SGSM2: variants seen among roughly 807,000 people sequenced by gnomAD.
SGSM2 encodes small G protein signaling modulator 2, also known as RUN and TBC1 domain containing 1.
Under a neutral mutation model 126.6 loss-of-function variants are expected in SGSM2, and 89 were observed. The ratio of observed to expected loss-of-function variants is 0.70; its 90% confidence interval spans 0.59 to 0.84. The LOEUF (loss-of-function observed/expected upper bound fraction) is 0.84, where lower values mean the gene tolerates loss of function less well. Among genes scored for constraint, SGSM2 ranks in the 40% least tolerant of loss-of-function variants. The pLI is 0.00. For synonymous variants in SGSM2, 614 were observed against 574.3 expected (o/e 1.07, Z -0.99); for missense variants, 1,404 against 1,416.6 (o/e 0.99, Z 0.14).
At chr17:2,368,605 C>T (rs1567833848) in intron 12 of SGSM2, among the ~76,000 whole-genome samples, 2 of 152,168 alleles carry the variant, frequency 1.3e-5, no homozygotes, top group Admixed American at 6.5e-5. Context: ...CCCAGCACAC[C>T]CTCTGCACAA....
Position 2,380,489 on chromosome 17 carries a change from C to A in SGSM2, c.*969C>A. The stretch of plus-strand genomic sequence containing the variant: ...CGGGAGGCAGGGGATGCATGGGTGT[C>A]CCCATCTGTCCCTGGTGAGAAGCAA... On this transcript the variant is annotated 3_prime_UTR_variant, in exon 24 of 24. Coordinates refer to ENST00000268989, the MANE Select transcript of SGSM2 (RefSeq NM_014853.3). The A allele has an allele frequency of 1.6e-6, 1 of 635,148 alleles. No individual in the cohort carries two copies. Among genetic ancestry groups the A allele is most frequent in the South Asian group, 1.8e-5 (1 of 55,216 alleles). The allele number at this position is 635,148 out of a possible 1,614,324, so 39.3% of individuals were successfully genotyped here.
chr17:2,361,602 C>A, intron 2 of SGSM2, 35 bp from the exon 3 acceptor site: 2 of 1,607,944 alleles, frequency 1.2e-6, no homozygotes, highest in Non-Finnish European at 1.7e-6. Context: ...CCCCGTCTTT[C>A]CCAGGCTCAG....
Position 2,361,860 on chromosome 17 carries a change from CT to C in SGSM2, c.296+63del, listed in dbSNP as rs762626879. On this transcript the variant is annotated intron_variant, in intron 3 of 23. Coordinates refer to ENST00000268989, the MANE Select transcript of SGSM2 (RefSeq NM_014853.3). ...AGCTCTTCCCACTTGGCAATTGCTA[CT>C]TCCTAGGACACCCATCGGAAAGTTG... 5.6e-5 allele frequency: 85 copies of C among 1,524,196 alleles called. No individual in the cohort carries two copies. In the Middle Eastern group the frequency reaches 3.5e-3, roughly 63 times the overall value. 94.4% of individuals were successfully genotyped at this position (1,524,196 alleles called of 1,614,324 possible). A position where few individuals can be genotyped will look rare whatever the true frequency, so the allele number is the denominator to read the frequency against.
chr17:2,357,139 G>A (rs965833488), intron 2 of SGSM2, among the ~76,000 whole-genome samples: 4 of 152,118 alleles, frequency 2.6e-5, no homozygotes, highest in African/African-American at 9.7e-5. Flanking sequence ...GGGAGCCCCA[G>A]GGCTAGTCTG....
rs2065440885 is a variant in SGSM2 at position 2,363,996 on chromosome 17, A to T, written c.808-63A>T. The T allele has an allele frequency of 2.5e-6, 4 of 1,609,656 alleles. No individual in the cohort carries two copies. The South Asian group carries it at 4.4e-5, about 18-fold the overall frequency. ...TCCTCCCAGCGGGAGCTCATTTCTC[A>T]TAGGCCATCCCTGAGAGCCTCTCAG... is the stretch of plus-strand genomic sequence containing the variant. On this transcript the variant is annotated intron_variant, in intron 7 of 23. Transcript: ENST00000268989. The surrounding 1 kb of genome is among the most constrained non-coding windows in gnomAD (Gnocchi z 4.2).
intron 2 of SGSM2, among the ~76,000 whole-genome samples, chr17:2,354,505 A>G (rs933709741): frequency 2.0e-5 from 3 of 152,244 alleles, no homozygotes; most frequent in Non-Finnish European, 2.9e-5. Context: ...TCAGAGTTGC[A>G]TGATATTCTG....
At position 2,337,680 on chromosome 17, in the gene SGSM2, T is replaced by C; in HGVS notation, c.-9T>C. ...CTGAGGACCGCTCGGCGCCGCCTCCTGCCACACCATGGGCAGCGCAGAGGA... is the reference window on the plus strand; with the variant it reads ...CTGAGGACCGCTCGGCGCCGCCTCCCGCCACACCATGGGCAGCGCAGAGGA... On this transcript the variant is annotated 5_prime_UTR_variant, in exon 1 of 24. Transcript: ENST00000268989. This position sits in a 1 kb window ranked among gnomAD's most constrained non-coding sequence, Gnocchi z 5.1. 6.7e-7 allele frequency: 1 copy of C among 1,493,006 alleles called. No individual in the cohort carries two copies. The highest frequency in any genetic ancestry group is 9.0e-7 in the Non-Finnish European group (1 of 1,113,404). The allele number at this position is 1,493,006 out of a possible 1,614,324, so 92.5% of individuals were successfully genotyped here. A position where few individuals can be genotyped will look rare whatever the true frequency, so the allele number is the denominator to read the frequency against.
intron 1 of SGSM2, among the ~76,000 whole-genome samples, chr17:2,340,803 C>CAGAA (rs1567795792): frequency 4.6e-5 from 7 of 152,094 alleles, no homozygotes; most frequent in Non-Finnish European, 8.8e-5. Context: ...CCAGGATGGT[C>CAGAA]TCGATCTCCT....
At chr17:2,347,643 TC>T (rs1159361621) in intron 2 of SGSM2, among the ~76,000 whole-genome samples, 1 of 151,474 alleles carries the variant, frequency 6.6e-6, no homozygotes, top group Admixed American at 6.6e-5. Context: ...TTTTGTTTTT[TC>T]TTTTTTTTTT....
rs1015085965 is a variant in SGSM2, at chr17:2,337,637, G to T, written c.-52G>T. ...GCGCTGAGCCGAGAGGCGCGGAGGC[G>T]GCGAGGGCGCGGGGGCTCTGAGGAC... is the stretch of plus-strand genomic sequence containing the variant. On this transcript the variant is annotated 5_prime_UTR_variant, in exon 1 of 24. Transcript: ENST00000268989. The surrounding 1 kb of genome is among the most constrained non-coding windows in gnomAD (Gnocchi z 5.1). 6.8e-6 allele frequency: 9 copies of T among 1,326,364 alleles called. No homozygotes were observed. Among genetic ancestry groups the T allele is most frequent in the African/African-American group, 4.6e-5 (3 of 65,348 alleles). 82.2% of individuals were successfully genotyped at this position (1,326,364 alleles called of 1,614,324 possible). A position where few individuals can be genotyped will look rare whatever the true frequency, so the allele number is the denominator to read the frequency against.
At chr17:2,351,353 G>C (rs755270425) in intron 2 of SGSM2, among the ~76,000 whole-genome samples, 15 of 152,312 alleles carry the variant, frequency 9.8e-5, no homozygotes, top group Admixed American at 2.6e-4. Flanking sequence ...GCCTACCCAG[G>C]AGTAGAGACT....
At chr17:2,376,488 C>T (rs1310276203) in intron 19 of SGSM2, 32 of 664,650 alleles carry the variant, frequency 4.8e-5, no homozygotes, top group South Asian at 3.8e-4. Context: ...AGCTTTCCCT[C>T]ATCCCCGCAC....
At chr17:2,343,983 T>C (rs2064485855) in intron 2 of SGSM2, among the ~76,000 whole-genome samples, 1 of 152,170 alleles carries the variant, frequency 6.6e-6, no homozygotes, top group Admixed American at 6.5e-5. Context: ...GTCATTTGAG[T>C]TCAGGAACCA....
At position 2,375,527 on chromosome 17, in the gene SGSM2, G is replaced by C; in HGVS notation, c.2136G>C (p.Glu712Asp). The C allele has an allele frequency of 6.2e-7, 1 of 1,612,842 alleles. No individual in the cohort carries two copies. Among genetic ancestry groups the C allele is most frequent in the Non-Finnish European group, 8.5e-7 (1 of 1,179,500 alleles). ...CAGTGGATGATCTGGAACCCCCGGAGCCCCAGGACCCTGAAGATTCCAGAC... is the reference window on the plus strand; with the variant it reads ...CAGTGGATGATCTGGAACCCCCGGACCCCCAGGACCCTGAAGATTCCAGAC... ...FISVDDLEPP[E>D]PQDPEDSRPK... The change falls in exon 18 of 24, where the codon GAG (glutamate) becomes GAC (aspartate). Residue 712 changes from glutamate to aspartate, a missense_variant. By Grantham distance (45) the Glu-to-Asp change is conservative. Transcript: ENST00000268989.
chr17:2,372,622 C>A lies in SGSM2; in HGVS notation c.1788+134C>A, dbSNP rs528851059. ...TGCCACGGAGTGACCAGGGTCCCGG[C>A]AGAATCTCTTGCAGCTGGGCCTGGG... On this transcript the variant is annotated intron_variant, in intron 15 of 23. Coordinates refer to ENST00000268989, the MANE Select transcript of SGSM2 (RefSeq NM_014853.3). This position sits in a 1 kb window ranked among gnomAD's most constrained non-coding sequence, Gnocchi z 6.0. The A allele has an allele frequency of 5.4e-3, 6,920 of 1,284,756 alleles. 30 individuals carry two copies. Among genetic ancestry groups the A allele is most frequent in the South Asian group, 7.7e-3 (565 of 73,372 alleles). The allele number at this position is 1,284,756 out of a possible 1,614,324, so 79.6% of individuals were successfully genotyped here.
intron 2 of SGSM2, among the ~76,000 whole-genome samples, chr17:2,352,767 C>CTTT (rs71150860): frequency 2.7e-4 from 23 of 85,962 alleles, no homozygotes; most frequent in Non-Finnish European, 4.5e-4. Flanking sequence ...GCTGCATTTT[C>CTTT]TTTTTTTTTT....
At chr17:2,344,220 C>T (rs1026032185) in intron 2 of SGSM2, among the ~76,000 whole-genome samples, 10 of 152,180 alleles carry the variant, frequency 6.6e-5, no homozygotes, top group African/African-American at 1.9e-4. Flanking sequence ...AGCCTTCCAG[C>T]CCCAGAAAGG....
rs978153462 is a variant in SGSM2 at position 2,380,668 on chromosome 17, C to T, written c.*1148C>T. On this transcript the variant is annotated 3_prime_UTR_variant, in exon 24 of 24. Transcript: ENST00000268989. ...CTGCTTGCTCGGCCATCCCCACTTC[C>T]TCCTCTACCCCAACACATGCAGGCT... The T allele has an allele frequency of 1.4e-5, 5 of 351,526 alleles. No individual in the cohort carries two copies. The highest frequency in any genetic ancestry group is 5.5e-5 in the South Asian group (2 of 36,350). The allele number at this position is 351,526 out of a possible 1,614,324, so 21.8% of individuals were successfully genotyped here. A position where few individuals can be genotyped will look rare whatever the true frequency, so the allele number is the denominator to read the frequency against.
intron 2 of SGSM2, among the ~76,000 whole-genome samples, chr17:2,359,712 C>T (rs2065233617): frequency 6.6e-6 from 1 of 152,140 alleles, no homozygotes; most frequent in South Asian, 2.1e-4. Flanking sequence ...CACGGCCTGG[C>T]TGCTTTTGCG....
Sources: gnomAD v4.1 joint callset for allele counts (sites outside exome capture counted in the v4.1 genomes callset) on GRCh38, gnomAD v4.1.1 for gene constraint, Gnocchi (gnomAD v3.1) non-coding constraint, MANE v1.5 for transcripts, NCBI Gene and HGNC (gene_info 2026-07-23, HGNC 2026-07-21) for gene names.